The following RSU1 variants were observed in gnomAD, a reference collection of about 807,000 sequenced individuals.
The protein encoded by RSU1 is Ras suppressor protein 1, also known as rsu-1.
A neutral mutation model predicts 31.1 loss-of-function variants in RSU1; 26 were observed. The ratio of observed to expected loss-of-function variants is 0.84; its 90% CI spans 0.61 to 1.16. The LOEUF (loss-of-function observed/expected upper bound fraction) is 1.16. Ranked by LOEUF, RSU1 falls within the 50% of genes most tolerant of loss-of-function variation. RSU1 has a pLI of 0.00. For missense variants in RSU1, 320 were observed against 339.1 expected (o/e 0.94, Z 0.44); for synonymous variants, 164 against 136.3 (o/e 1.20, Z -1.41).
chr10:16,647,403 C>T (rs778475929), intron 8 of RSU1, among the ~76,000 whole-genome samples: 3 of 152,136 alleles, frequency 2.0e-5, no homozygotes, highest in African/African-American at 4.8e-5. Flanking sequence ...CCTAGGTACA[C>T]GCCCAAGACA....
At chr10:16,810,682 A>G (rs1838389758) in intron 2 of RSU1, among the ~76,000 whole-genome samples, 1 of 152,178 alleles carries the variant, frequency 6.6e-6, no homozygotes, top group African/African-American at 2.4e-5. Flanking sequence ...CCAAGAAATA[A>G]AGATATTGTT....
intron 7 of RSU1, among the ~76,000 whole-genome samples, chr10:16,720,932 A>G (rs528098087): frequency 6.6e-6 from 1 of 152,284 alleles, no homozygotes; most frequent in East Asian, 1.9e-4. Flanking sequence ...GGCTGCAGTG[A>G]GCTGAGACTG....
At chr10:16,745,448 A>T (rs1836831580) in intron 7 of RSU1, among the ~76,000 whole-genome samples, 1 of 152,162 alleles carries the variant, frequency 6.6e-6, no homozygotes, top group African/African-American at 2.4e-5. Flanking sequence ...GAAAGGTTTA[A>T]CTGGACTTAT....
intron 2 of RSU1, among the ~76,000 whole-genome samples, chr10:16,783,713 A>C (rs1197475791): frequency 6.6e-6 from 1 of 152,020 alleles, no homozygotes; most frequent in Non-Finnish European, 1.5e-5. Context: ...CTTATAGAGA[A>C]GTTCAAAATG....
intron 8 of RSU1, among the ~76,000 whole-genome samples, chr10:16,606,826 A>G (rs910075175): frequency 1.3e-5 from 2 of 152,228 alleles, no homozygotes; most frequent in African/African-American, 4.8e-5. Context: ...CGGTAGAAGC[A>G]TACCATACAT....
At chr10:16,711,065 G>C (rs1413450979) in intron 7 of RSU1, among the ~76,000 whole-genome samples, 1 of 152,112 alleles carries the variant, frequency 6.6e-6, no homozygotes, top group African/African-American at 2.4e-5. Context: ...ATCCAGGAAA[G>C]ACTTTTTATA....
intron 8 of RSU1, among the ~76,000 whole-genome samples, chr10:16,615,481 C>T (rs143167644): frequency 1.5e-3 from 229 of 152,018 alleles, no homozygotes; most frequent in African/African-American, 4.8e-3. Flanking sequence ...TCAACAAGAC[C>T]GAAAATTAAG....
chr10:16,727,092 C>A (rs527690333), intron 7 of RSU1: 3 of 456,650 alleles, frequency 6.6e-6, no homozygotes, highest in South Asian at 4.6e-5. Context: ...ACAACACAGG[C>A]TGCCAGTTGG....
intron 7 of RSU1, among the ~76,000 whole-genome samples, chr10:16,741,728 G>C (rs1452220387): frequency 6.6e-6 from 1 of 152,122 alleles, no homozygotes; most frequent in Non-Finnish European, 1.5e-5. Context: ...AATTTTCTAA[G>C]ATCACCTTGA....
chr10:16,708,475 T>A (rs969726650), intron 7 of RSU1, among the ~76,000 whole-genome samples: 4 of 152,142 alleles, frequency 2.6e-5, no homozygotes, highest in Admixed American at 6.6e-5. Flanking sequence ...AAATCTAAGT[T>A]CTTTAGGAGT....
intron 8 of RSU1, among the ~76,000 whole-genome samples, chr10:16,678,030 G>A (rs903895569): frequency 6.6e-6 from 1 of 151,994 alleles, no homozygotes; most frequent in Admixed American, 6.6e-5. Flanking sequence ...GTAGGAATCC[G>A]AAGCGCATTT....
At chr10:16,627,933 G>T (rs529644547) in intron 8 of RSU1, among the ~76,000 whole-genome samples, 1 of 152,178 alleles carries the variant, frequency 6.6e-6, no homozygotes, top group South Asian at 2.1e-4. Context: ...AGTAGAAAAT[G>T]AAATTTACTT....
At chr10:16,784,778 C>A (rs1564356948) in intron 2 of RSU1, among the ~76,000 whole-genome samples, 1 of 152,210 alleles carries the variant, frequency 6.6e-6, no homozygotes, top group East Asian at 1.9e-4. Context: ...ATAACAAGAA[C>A]AGCATGGGAA....
intron 8 of RSU1, among the ~76,000 whole-genome samples, chr10:16,614,409 T>TA (rs10608514): frequency 4.7e-4 from 69 of 145,300 alleles, no homozygotes; most frequent in East Asian, 2.6e-3. Flanking sequence ...GGTTAATGGT[T>TA]AAAAAAAAAA....
intron 8 of RSU1, among the ~76,000 whole-genome samples, chr10:16,691,722 C>CTTTTTTTTTTTT (rs58786188): frequency 9.4e-6 from 1 of 106,044 alleles, no homozygotes; most frequent in Non-Finnish European, 1.8e-5. Context: ...GCTGCTGCTT[C>CTTTTTTTTTTTT]TTTTTTTTTT....
chr10:16,781,139 G>T (rs1476413881), intron 3 of RSU1, among the ~76,000 whole-genome samples: 2 of 152,090 alleles, frequency 1.3e-5, no homozygotes, highest in Non-Finnish European at 2.9e-5. Context: ...CTTGCCACAT[G>T]ATTAGAAAAT....
chr10:16,647,536 A>G (rs747403276), intron 8 of RSU1, among the ~76,000 whole-genome samples: 6 of 152,264 alleles, frequency 3.9e-5, no homozygotes, highest in Non-Finnish European at 8.8e-5. Context: ...TGGTAAAACC[A>G]TATAGTATGA....
rs561912658 is a variant in RSU1 at position 16,682,431 on chromosome 10, AGATAATATT to A, written c.731+12583_731+12591del. 2.6e-5 allele frequency among the ~76,000 whole-genome samples: 4 copies of A among 152,234 alleles called. No individual in the cohort carries two copies. In the South Asian group the frequency reaches 8.3e-4, roughly 32 times the overall value. On this transcript the variant is annotated intron_variant, in intron 8 of 8. Coordinates refer to ENST00000345264, the MANE Select transcript of RSU1 (RefSeq NM_012425.4). The stretch of plus-strand genomic sequence containing the variant: ...AAAGGCATTCCTAATTTTGCTTTAA[AGATAATATT>A]GATTCTTGCAAAATATAGTAATTAA...
chr10:16,716,246 A>G (rs1836137985), intron 7 of RSU1, among the ~76,000 whole-genome samples: 1 of 152,236 alleles, frequency 6.6e-6, no homozygotes, highest in Non-Finnish European at 1.5e-5. Context: ...GGTGGGTGCC[A>G]GGGCCAGGGC....
Sources: gnomAD v4.1 joint callset for allele counts (sites outside exome capture counted in the v4.1 genomes callset) on GRCh38, gnomAD v4.1.1 for gene constraint, MANE v1.5 for transcripts, NCBI Gene and HGNC (gene_info 2026-07-23, HGNC 2026-07-21) for gene names.